Variants in EPB41L3 observed in about 807,000 individuals in gnomAD.
EPB41L3 encodes the protein band 4.1-like protein 3.
EPB41L3 carries 57 observed loss-of-function variants against 127.1 expected under a neutral mutation model. That is an observed-to-expected ratio of 0.45 (90% confidence interval 0.36 to 0.56). EPB41L3 has a LOEUF of 0.56. Ranked by LOEUF, EPB41L3 falls within the 20% of genes least tolerant of loss-of-function variation. The pLI, the probability that EPB41L3 is intolerant of heterozygous loss-of-function variation, is 0.00. For missense variants in EPB41L3, 1,273 were observed against 1,372.2 expected, an observed-to-expected ratio of 0.93 and a Z score of 1.14; for synonymous variants, 572 against 549.5, an observed-to-expected ratio of 1.04 and a Z score of -0.57.
At chr18:5,526,253 G>A (rs1172268010) in intron 1 of EPB41L3, among the ~76,000 whole-genome samples, 1 of 152,176 alleles carries the variant, frequency 6.6e-6, no homozygotes, top group African/African-American at 2.4e-5. Flanking sequence ...AAGAGGAGAA[G>A]CGCCTGTATT....
chr18:5,494,068 G>A (rs566639082), intron 1 of EPB41L3, among the ~76,000 whole-genome samples: 1 of 152,180 alleles, frequency 6.6e-6, no homozygotes, highest in South Asian at 2.1e-4. Context: ...TCCAAATTTT[G>A]TGACCTCTCA....
chr18:5,493,368 G>C (rs1303501806), intron 1 of EPB41L3, among the ~76,000 whole-genome samples: 1 of 152,062 alleles, frequency 6.6e-6, no homozygotes. Context: ...CGAGTATATA[G>C]GACTCAAATG....
intron 18 of EPB41L3, 146 bp downstream of exon 18, chr18:5,396,912 T>C (rs1252804854): frequency 1.2e-5 from 10 of 828,550 alleles, no homozygotes; most frequent in Non-Finnish European, 1.9e-5. Flanking sequence ...CTACTAGGTA[T>C]GAAAGAAGGA....
chr18:5,499,685 T>G (rs1434624067), intron 1 of EPB41L3, among the ~76,000 whole-genome samples: 6 of 151,722 alleles, frequency 4.0e-5, no homozygotes, highest in Non-Finnish European at 7.4e-5. Context: ...GACAATGGCG[T>G]GAACCTGGGA....
chr18:5,479,804 A>G (rs944857391), intron 2 of EPB41L3: 1 of 152,168 alleles, frequency 6.6e-6, no homozygotes, highest in Admixed American at 6.5e-5. Flanking sequence ...TGCTCTGGCA[A>G]CTCAGTCCTA....
intron 3 of EPB41L3, among the ~76,000 whole-genome samples, chr18:5,609,064 T>G (rs2094695953): frequency 6.6e-6 from 1 of 152,170 alleles, no homozygotes; most frequent in South Asian, 2.1e-4. Flanking sequence ...AAATAACAGA[T>G]TGCAACAACA....
intron 9 of EPB41L3, among the ~76,000 whole-genome samples, chr18:5,425,733 G>A (rs1403859345): frequency 4.6e-5 from 7 of 152,158 alleles, no homozygotes; most frequent in African/African-American, 2.4e-5. Flanking sequence ...TAAAAGCAGA[G>A]AGAAGAGGAG....
At position 5,397,612 on chromosome 18, in the gene EPB41L3, CT is replaced by C. The variant is rs754375179; in HGVS notation, c.2473-187del. On this transcript the variant is annotated intron_variant, in intron 17 of 22. Coordinates refer to ENST00000341928, the MANE Select transcript of EPB41L3 (RefSeq NM_012307.5). This position sits in a 1 kb window ranked among gnomAD's most constrained non-coding sequence, Gnocchi z 4.1. ...AAATCTCTGATGCCTGCCCCTGCCC[CT>C]GGTGCATGCACTTGAACCTGCGCTG... Among the ~76,000 whole-genome samples, 1 of 152,194 alleles carries C rather than the reference CT, an allele frequency of 6.6e-6. No individual in the cohort carries two copies. Among genetic ancestry groups the C allele is most frequent in the Admixed American group, 6.5e-5 (1 of 15,292 alleles).
rs747949084 is a variant in EPB41L3, at chr18:5,395,137, C to G, written c.3083G>C (p.Gly1028Ala). The G allele has an allele frequency of 6.2e-7, 1 of 1,614,002 alleles. No homozygotes were observed. The highest frequency in any genetic ancestry group is 1.3e-5 in the African/African-American group (1 of 75,022). Residue 1028 changes from glycine to alanine, a missense_variant, in exon 21 of 23, where the codon GGG becomes GCG. Coordinates refer to ENST00000341928, the MANE Select transcript of EPB41L3 (RefSeq NM_012307.5). ...TTTHITKTVK[G>A]GISETRIEKR... ...CTCAATTCTTGTCTCTGAAATGCCC[C>G]CTTTCACAGTCTGCAAGACACGTAG...
rs188305447 is a variant in EPB41L3, at chr18:5,525,276, T to C, written c.-12+18637A>G. On this transcript the variant is annotated intron_variant, in intron 1 of 22. Transcript: ENST00000341928. Reference sequence around the variant, plus strand: ...AGACAGCCAAAGCAACCAGGAGTTATCCAAGAGGCGTGCCATGGCCCTAGG... The same window carrying C: ...AGACAGCCAAAGCAACCAGGAGTTACCCAAGAGGCGTGCCATGGCCCTAGG... 2.0e-4 allele frequency among the ~76,000 whole-genome samples: 30 copies of C among 152,234 alleles called. 1 individual carries two copies. Among genetic ancestry groups the C allele is most frequent in the African/African-American group, 6.0e-4 (25 of 41,544 alleles).
rs548041273 is a variant in EPB41L3 at position 5,393,671 on chromosome 18, C to T, written c.*7-193G>A. On this transcript the variant is annotated intron_variant, in intron 22 of 22. Coordinates refer to ENST00000341928, the MANE Select transcript of EPB41L3 (RefSeq NM_012307.5). ...TACAACAACGCCCAAGTGGCTGAAG[C>T]TCATGGAAGAAATCTGTTTTATTTT... 86 of 454,856 alleles carry T rather than the reference C, an allele frequency of 1.9e-4. 1 individual carries two copies. The South Asian group carries it at 3.9e-3, about 21-fold the overall frequency. 28.2% of individuals were successfully genotyped at this position (454,856 alleles called of 1,614,324 possible).
At chr18:5,438,596 T>C (rs989051641) in intron 5 of EPB41L3, among the ~76,000 whole-genome samples, 1 of 152,240 alleles carries the variant, frequency 6.6e-6, no homozygotes, top group Non-Finnish European at 1.5e-5. Flanking sequence ...ACGTTTATTT[T>C]ATGGGAAAGG....
chr18:5,461,162 A>G (rs1437856481), intron 3 of EPB41L3, among the ~76,000 whole-genome samples: 1 of 152,168 alleles, frequency 6.6e-6, no homozygotes, highest in African/African-American at 2.4e-5. Context: ...GCTTGGGGTA[A>G]TCATTTAAAA....
rs182135131 is a variant in EPB41L3 at position 5,569,101 on chromosome 18, A to G, written c.-306+43239T>C. ...TAGCATTTTAGAACAATTTTCAGTCATCTGAACAGGAGCACTCAAAATTAT... is the reference window on the plus strand; with the variant it reads ...TAGCATTTTAGAACAATTTTCAGTCGTCTGAACAGGAGCACTCAAAATTAT... On this transcript the variant is annotated intron_variant, in intron 3 of 21. Transcript: ENST00000545076. 2.7e-3 allele frequency among the ~76,000 whole-genome samples: 412 copies of G among 152,344 alleles called. 5 individuals are homozygous for G. Among genetic ancestry groups the G allele is most frequent in the Non-Finnish European group, 6.5e-4 (44 of 68,032 alleles).
chr18:5,488,854 T>G, intron 2 of EPB41L3, 147 bp downstream of exon 2: 2 of 838,180 alleles, frequency 2.4e-6, no homozygotes, highest in Non-Finnish European at 3.4e-6. Context: ...AGCCTTAAAA[T>G]AGCATACATT....
At chr18:5,497,200 A>G (rs1489351125) in intron 1 of EPB41L3, among the ~76,000 whole-genome samples, 1 of 152,166 alleles carries the variant, frequency 6.6e-6, no homozygotes, top group Non-Finnish European at 1.5e-5. Flanking sequence ...AGATATGAGG[A>G]GGGGTCAGAT....
intron 3 of EPB41L3, among the ~76,000 whole-genome samples, chr18:5,472,649 T>A (rs2086375862): frequency 6.6e-6 from 1 of 152,222 alleles, no homozygotes; most frequent in Admixed American, 6.5e-5. Flanking sequence ...GTACTCTAAC[T>A]TTCTACATTA....
intron 1 of EPB41L3, among the ~76,000 whole-genome samples, chr18:5,531,457 T>C (rs2093408174): frequency 6.6e-6 from 1 of 152,130 alleles, no homozygotes; most frequent in South Asian, 2.1e-4. Context: ...GCACAGTGGT[T>C]CACACCTGGG....
intron 2 of EPB41L3, among the ~76,000 whole-genome samples, chr18:5,486,972 T>C (rs1267822864): frequency 6.6e-6 from 1 of 152,214 alleles, no homozygotes; most frequent in Non-Finnish European, 1.5e-5. Context: ...ATTCCATTAC[T>C]GGATATATGT....
Sources: gnomAD v4.1 joint callset for allele counts (sites outside exome capture counted in the v4.1 genomes callset) on GRCh38, gnomAD v4.1.1 for gene constraint, Gnocchi (gnomAD v3.1) non-coding constraint, MANE v1.5 for transcripts, NCBI Gene and HGNC (gene_info 2026-07-23, HGNC 2026-07-21) for gene names.